Variants in NPLOC4 observed in about 807,000 individuals in gnomAD.
The protein encoded by NPLOC4 is NPL4 homolog, ubiquitin recognition factor, also known as nuclear protein localization protein 4 homolog.
In NPLOC4, 18 loss-of-function variants were observed where a neutral mutation model predicts 80.6. The ratio of observed to expected loss-of-function variants is 0.22; its 90% CI spans 0.15 to 0.33. The LOEUF is 0.33. Among genes scored for constraint, NPLOC4 ranks in the 10% least tolerant of loss-of-function variants. The pLI is 1.00. For synonymous variants in NPLOC4, 313 were observed against 301.5 expected, an observed-to-expected ratio of 1.04 and a Z score of -0.39; for missense variants, 540 against 786.1, an observed-to-expected ratio of 0.69 and a Z score of 3.74.
chr17:81,561,826 T>C (rs2033859869), intron 16 of NPLOC4: 1 of 152,226 alleles, frequency 6.6e-6, no homozygotes, highest in Non-Finnish European at 1.5e-5. Context: ...CTCACACTTC[T>C]GGGCTACAGT....
Position 81,558,705 on chromosome 17 carries a change from AC to A in NPLOC4, c.*553del, listed in dbSNP as rs2033733420. On this transcript the variant is annotated 3_prime_UTR_variant, in exon 17 of 17. Transcript: ENST00000331134. ...GAGGAGGAGGGCAGGCAGCAAACCGACCTGCAGACCTGCAGAGGGGAGCCGT... is the reference window on the plus strand; with the variant it reads ...GAGGAGGAGGGCAGGCAGCAAACCGACTGCAGACCTGCAGAGGGGAGCCGT... 6.6e-6 allele frequency: 1 copy of A among 152,318 alleles called. No individual in the cohort carries two copies. Among genetic ancestry groups the A allele is most frequent in the Admixed American group, 6.5e-5 (1 of 15,278 alleles). 9.4% of individuals were successfully genotyped at this position (152,318 alleles called of 1,614,324 possible). A position where few individuals can be genotyped will look rare whatever the true frequency, so the allele number is the denominator to read the frequency against.
intron 12 of NPLOC4, among the ~76,000 whole-genome samples, chr17:81,582,797 G>A (rs1403003593): frequency 6.6e-6 from 1 of 152,224 alleles, no homozygotes; most frequent in Non-Finnish European, 1.5e-5. Context: ...CCTGTGTGAT[G>A]GGCAGGAGGT....
intron 12 of NPLOC4, among the ~76,000 whole-genome samples, chr17:81,588,432 C>T (rs1049467072): frequency 1.1e-4 from 17 of 152,308 alleles, no homozygotes; most frequent in African/African-American, 3.8e-4. Flanking sequence ...ACAATCATGG[C>T]TAACTGCAGC....
At chr17:81,602,973 A>C (rs1161380913) in intron 8 of NPLOC4, among the ~76,000 whole-genome samples, 2 of 92,338 alleles carry the variant, frequency 2.2e-5, no homozygotes, top group African/African-American at 8.7e-5. Context: ...ACATATATAT[A>C]CACAAATACA....
rs138343184 is a variant in NPLOC4, at chr17:81,625,137, C to G, written c.97-2859G>C. On this transcript the variant is annotated intron_variant, in intron 2 of 16. Coordinates refer to ENST00000331134, the MANE Select transcript of NPLOC4 (RefSeq NM_017921.4). Reference sequence around the variant, plus strand: ...AGTGGTCATCACCAGGCCCAGCTGACGAGCAGGACCAGGGGCAGGAATGGA... The same window carrying G: ...AGTGGTCATCACCAGGCCCAGCTGAGGAGCAGGACCAGGGGCAGGAATGGA... Among the ~76,000 whole-genome samples the G allele has an allele frequency of 9.2e-5, 14 of 152,082 alleles. No individual in the cohort carries two copies. In the East Asian group the frequency reaches 2.3e-3, roughly 25 times the overall value.
At chr17:81,604,183 A>C (rs1041672129) in intron 8 of NPLOC4, among the ~76,000 whole-genome samples, 4 of 152,130 alleles carry the variant, frequency 2.6e-5, no homozygotes, top group Non-Finnish European at 4.4e-5. Context: ...GGCCTTCTCC[A>C]TGGTTCCTAA....
At chr17:81,618,520 G>A (rs1238900912) in intron 3 of NPLOC4, among the ~76,000 whole-genome samples, 10 of 143,850 alleles carry the variant, frequency 7.0e-5, no homozygotes, top group Non-Finnish European at 1.2e-4. Context: ...CAGCCGCCCC[G>A]TCCGGGAGGG....
rs927864248 is a variant in NPLOC4 at position 81,577,439 on chromosome 17, C to T, written c.1282-5351G>A. Among the ~76,000 whole-genome samples, 1 of 151,556 alleles carries T rather than the reference C, an allele frequency of 6.6e-6. No homozygotes were observed. The highest frequency in any genetic ancestry group is 1.5e-5 in the Non-Finnish European group (1 of 67,900). On this transcript the variant is annotated intron_variant, in intron 12 of 16. Coordinates refer to ENST00000331134, the MANE Select transcript of NPLOC4 (RefSeq NM_017921.4). The surrounding 1 kb of genome is among the most constrained non-coding windows in gnomAD (Gnocchi z 4.3). ...AACCACAGCTTGGCTCATCTACTTC[C>T]GGGTTAGCTCAACGCCCTCTTCTTT...
intron 8 of NPLOC4, among the ~76,000 whole-genome samples, chr17:81,602,881 C>CTATATATGTATATACACATACATACA (rs2035095450): frequency 4.6e-5 from 7 of 151,386 alleles, no homozygotes; most frequent in Admixed American, 2.0e-4. Flanking sequence ...TCCACACACA[C>CTATATATGTATATACACATACATACA]TATATATGTA....
At chr17:81,600,572 A>G (rs898658828) in intron 8 of NPLOC4, 145 bp from the exon 9 acceptor site, 2 of 638,134 alleles carry the variant, frequency 3.1e-6, no homozygotes, top group African/African-American at 1.8e-5. Context: ...CAGATAAAAC[A>G]CATGCGACAC....
chr17:81,589,715 A>G (rs7406662), intron 11 of NPLOC4, among the ~76,000 whole-genome samples: 21,629 of 151,692 alleles, frequency 0.14, 1,833 homozygotes, highest in Admixed American at 0.23. Context: ...TGAAAAAAAG[A>G]AAAGAAAAGG....
chr17:81,591,472 A>AAAC, intron 11 of NPLOC4, among the ~76,000 whole-genome samples: 1 of 147,196 alleles, frequency 6.8e-6, no homozygotes, highest in Non-Finnish European at 1.5e-5. Flanking sequence ...AAAAAAAAAA[A>AAAC]CCTGCTCTGG....
At chr17:81,620,479 G>A (rs2035635507) in intron 3 of NPLOC4, among the ~76,000 whole-genome samples, 1 of 151,782 alleles carries the variant, frequency 6.6e-6, no homozygotes, top group Admixed American at 6.6e-5. Flanking sequence ...CTGGGCGACA[G>A]AGCGAGACTC....
chr17:81,574,876 A>AACACACACAC (rs71166157), intron 12 of NPLOC4, among the ~76,000 whole-genome samples: 6 of 149,030 alleles, frequency 4.0e-5, no homozygotes, highest in African/African-American at 1.5e-4. Flanking sequence ...CAAACAAACA[A>AACACACACAC]ACACACACAC....
intron 11 of NPLOC4, among the ~76,000 whole-genome samples, chr17:81,594,444 C>A (rs187516014): frequency 1.3e-5 from 2 of 152,118 alleles, no homozygotes; most frequent in Non-Finnish European, 2.9e-5. Context: ...CAAGGAACTG[C>A]AGGCTGGGCA....
chr17:81,573,736 T>A (rs544808582), intron 12 of NPLOC4: 302 of 152,222 alleles, frequency 2.0e-3, no homozygotes, highest in African/African-American at 6.9e-3. Context: ...CAGAGAAAAA[T>A]GGTCCAAATA....
chr17:81,603,967 G>GT, intron 8 of NPLOC4, among the ~76,000 whole-genome samples: 1 of 152,238 alleles, frequency 6.6e-6, no homozygotes, highest in East Asian at 1.9e-4. Flanking sequence ...AATACAATGT[G>GT]TAACTAGTTG....
chr17:81,600,550 GA>G, intron 8 of NPLOC4, 123 bp from the exon 9 acceptor site: 1 of 697,528 alleles, frequency 1.4e-6, no homozygotes, highest in East Asian at 2.7e-5. Flanking sequence ...TCAGAAAGGA[GA>G]ACTATAGCCA....
chr17:81,634,062 G>A (rs919659607), intron 1 of NPLOC4, among the ~76,000 whole-genome samples: 5 of 151,584 alleles, frequency 3.3e-5, no homozygotes, highest in African/African-American at 1.2e-4. Context: ...AGTAGACGTG[G>A]GGTTTCACCG....
Sources: allele counts gnomAD v4.1 joint callset (sites outside exome capture counted in the v4.1 genomes callset), GRCh38; gene constraint gnomAD v4.1.1; non-coding constraint Gnocchi (gnomAD v3.1); transcripts MANE v1.5; gene names NCBI Gene and HGNC (gene_info 2026-07-23, HGNC 2026-07-21).